Variants in GPR83 observed in about 807,000 individuals in gnomAD.
GPR83 encodes G protein-coupled receptor 83, also known as G-protein coupled receptor 72.
Under a neutral mutation model 28.0 loss-of-function variants are expected in GPR83, and 23 were observed. The ratio of observed to expected loss-of-function variants is 0.82; its 90% CI spans 0.59 to 1.16. The LOEUF (loss-of-function observed/expected upper bound fraction) is 1.16, where lower values mean the gene tolerates loss of function less well. GPR83 is among the 50% of genes most tolerant of loss of function. The pLI, the probability that GPR83 is intolerant of heterozygous loss-of-function variation, is 0.00. For missense variants in GPR83, 610 were observed against 536.6 expected (o/e 1.14, Z -1.35); for synonymous variants, 234 against 215.4 (o/e 1.09, Z -0.76).
intron 1 of GPR83, 88 bp from the exon 2 acceptor site, chr11:94,396,612 G>A (rs1048629379): frequency 1.5e-6 from 2 of 1,346,514 alleles, no homozygotes; most frequent in Non-Finnish European, 2.1e-6. Context: ...ATGCCCTTAG[G>A]GGGATTCCTC....
intron 3 of GPR83, among the ~76,000 whole-genome samples, chr11:94,382,234 C>A (rs1944698290): frequency 6.6e-6 from 1 of 150,978 alleles, no homozygotes; most frequent in Admixed American, 6.6e-5. Flanking sequence ...TGCCTATAAT[C>A]CCAGCTACTC....
intron 3 of GPR83, 34 bp downstream of exon 3, chr11:94,393,451 A>C (rs200169302): frequency 2.6e-4 from 415 of 1,609,616 alleles, no homozygotes; most frequent in Non-Finnish European, 3.2e-4. Flanking sequence ...AGAAGACACA[A>C]GTCCCCAGGC....
rs1591605237 is a variant in GPR83, at chr11:94,389,963, A to T, written c.647+3522T>A. The stretch of plus-strand genomic sequence containing the variant: ...AGACTGGATTAAGAAAATGTGGCAC[A>T]TATACACCATGGAATACTATGCAGC... On this transcript the variant is annotated intron_variant, in intron 3 of 3. Transcript: ENST00000243673. Among the ~76,000 whole-genome samples the T allele has an allele frequency of 6.6e-5, 10 of 152,350 alleles. 1 individual carries two copies. In the South Asian group the frequency reaches 2.1e-3, roughly 32 times the overall value.
chr11:94,399,218 G>T (rs1944890686), intron 1 of GPR83, among the ~76,000 whole-genome samples: 1 of 152,214 alleles, frequency 6.6e-6, no homozygotes, highest in African/African-American at 2.4e-5. Context: ...GGATGCTGTT[G>T]TCTTGTGCTT....
chr11:94,390,083 C>T (rs1944801280), intron 3 of GPR83, among the ~76,000 whole-genome samples: 2 of 151,946 alleles, frequency 1.3e-5, no homozygotes, highest in South Asian at 4.1e-4. Flanking sequence ...AAAAACCAAA[C>T]ACCGCATGTT....
chr11:94,378,074 G>A lies in GPR83; in HGVS notation c.*2075C>T, dbSNP rs1252231657. On this transcript the variant is annotated 3_prime_UTR_variant, in exon 4 of 4. Coordinates refer to ENST00000243673, the MANE Select transcript of GPR83 (RefSeq NM_016540.4). Reference sequence around the variant, plus strand: ...AGAGACAATAAGTACAGGCACATGAGCCATTTGTCCTGAAAAATCCATCTG... The same window carrying A: ...AGAGACAATAAGTACAGGCACATGAACCATTTGTCCTGAAAAATCCATCTG... The A allele has an allele frequency of 6.6e-6, 1 of 152,102 alleles. No individual in the cohort carries two copies. The highest frequency in any genetic ancestry group is 1.5e-5 in the Non-Finnish European group (1 of 68,008). 9.4% of individuals were successfully genotyped at this position (152,102 alleles called of 1,614,324 possible). A position where few individuals can be genotyped will look rare whatever the true frequency, so the allele number is the denominator to read the frequency against.
In GPR83 at chr11:94,389,868, G is replaced by C. The variant is rs931340078; in HGVS notation, c.647+3617C>G. Among the ~76,000 whole-genome samples the C allele has an allele frequency of 4.6e-5, 7 of 152,236 alleles. 1 individual carries two copies. The highest frequency in any genetic ancestry group is 1.4e-4 in the African/African-American group (6 of 41,552). The stretch of plus-strand genomic sequence containing the variant: ...TCCTGCTGCTATAAAGACACATGCA[G>C]ACGTATGATTATTGCGGCACTATTC... On this transcript the variant is annotated intron_variant, in intron 3 of 3. Coordinates refer to ENST00000243673, the MANE Select transcript of GPR83 (RefSeq NM_016540.4).
At chr11:94,393,747 G>C in intron 2 of GPR83, 129 bp from the exon 3 acceptor site, 1 of 770,308 alleles carries the variant, frequency 1.3e-6, no homozygotes, top group East Asian at 2.5e-5. Flanking sequence ...GATCACTTGA[G>C]CCCAGGAGTT....
intron 3 of GPR83, among the ~76,000 whole-genome samples, chr11:94,385,436 G>A (rs1286652485): frequency 6.6e-6 from 1 of 152,166 alleles, no homozygotes; most frequent in Non-Finnish European, 1.5e-5. Flanking sequence ...CGGCAAAGAA[G>A]TTAAAAACCT....
chr11:94,398,768 C>G (rs759443714), intron 1 of GPR83, among the ~76,000 whole-genome samples: 2 of 152,182 alleles, frequency 1.3e-5, no homozygotes, highest in Non-Finnish European at 2.9e-5. Context: ...ATGCCTTTCC[C>G]GATGGGGGAG....
In GPR83 at chr11:94,380,227, A is replaced by T. The variant is rs1944671127; in HGVS notation, c.1194T>A (p.Asn398Lys). 6.6e-7 allele frequency: 1 copy of T among 1,523,992 alleles called. No homozygotes were observed. The highest frequency in any genetic ancestry group is 8.8e-7 in the Non-Finnish European group (1 of 1,137,986). The allele number at this position is 1,523,992 out of a possible 1,614,324, so 94.4% of individuals were successfully genotyped here. A position where few individuals can be genotyped will look rare whatever the true frequency, so the allele number is the denominator to read the frequency against. ...GGAGTTGGGAGGTGGGCAGGAGGTTATTGGCAAGGGGAGCCCTCTGGCCAT... is the reference window on the plus strand; with the variant it reads ...GGAGTTGGGAGGTGGGCAGGAGGTTTTTGGCAAGGGGAGCCCTCTGGCCAT... ...KNDGQRAPLA[N>K]NLLPTSQLQS... Residue 398 changes from asparagine to lysine, a missense_variant, in exon 4 of 4, where the codon AAT becomes AAA. Physicochemically the swap from Asn to Lys is moderately conservative, Grantham distance 94. Transcript: ENST00000243673.
rs1221570604 is a variant in GPR83 at position 94,378,078 on chromosome 11, T to C, written c.*2071A>G. 1 of 152,096 alleles carries C rather than the reference T, an allele frequency of 6.6e-6. No individual in the cohort carries two copies. Among genetic ancestry groups the C allele is most frequent in the East Asian group, 1.9e-4 (1 of 5,200 alleles). 9.4% of individuals were successfully genotyped at this position (152,096 alleles called of 1,614,324 possible). On this transcript the variant is annotated 3_prime_UTR_variant, in exon 4 of 4. Coordinates refer to ENST00000243673, the MANE Select transcript of GPR83 (RefSeq NM_016540.4). Reference sequence around the variant, plus strand: ...ACAATAAGTACAGGCACATGAGCCATTTGTCCTGAAAAATCCATCTGGGGA... The same window carrying C: ...ACAATAAGTACAGGCACATGAGCCACTTGTCCTGAAAAATCCATCTGGGGA...
rs1343688368 is a variant in GPR83, at chr11:94,393,552, A to G, written c.580T>C (p.Trp194Arg). 1.2e-6 allele frequency: 2 copies of G among 1,613,744 alleles called. No homozygotes were observed. The highest frequency in any genetic ancestry group is 1.7e-6 in the Non-Finnish European group (2 of 1,179,688). The change falls in exon 3 of 4, where the codon TGG becomes CGG. Residue 194 changes from tryptophan to arginine, a missense_variant. Trp to Arg is a moderately radical substitution (Grantham distance 101). Transcript: ENST00000243673. ...TKGVIYIAVI[W>R]TMATFFSLPH... ...AGTGAAAAGAACGTAGCCATGGTCC[A>G]GATGACAGCGATGTAGATGACACCC... is the stretch of plus-strand genomic sequence containing the variant.
At chr11:94,388,641 GAA>G (rs1403488348) in intron 3 of GPR83, among the ~76,000 whole-genome samples, 7 of 152,164 alleles carry the variant, frequency 4.6e-5, no homozygotes, top group Non-Finnish European at 8.8e-5. Context: ...TCTTCAAGGA[GAA>G]CTACAAACCA....
intron 1 of GPR83, 56 bp downstream of exon 1, chr11:94,400,804 GA>G: frequency 1.3e-6 from 2 of 1,552,102 alleles, no homozygotes; most frequent in Non-Finnish European, 1.8e-6. Context: ...CCAGAGAACT[GA>G]GAGAGGAAAG....
rs1211329869 is a variant in GPR83, at chr11:94,379,994, G to C, written c.*155C>G. On this transcript the variant is annotated 3_prime_UTR_variant, in exon 4 of 4. Transcript: ENST00000243673. ...GCCTTTTAGTTTTCACATCACATGGGGCTAGGAGGCTGGACAGTTTCCTAG... is the reference window on the plus strand; with the variant it reads ...GCCTTTTAGTTTTCACATCACATGGCGCTAGGAGGCTGGACAGTTTCCTAG... 1 of 527,936 alleles carries C rather than the reference G, an allele frequency of 1.9e-6. No individual in the cohort carries two copies. The highest frequency in any genetic ancestry group is 3.0e-5 in the East Asian group (1 of 33,030). 32.7% of individuals were successfully genotyped at this position (527,936 alleles called of 1,614,324 possible).
At chr11:94,394,056 T>A (rs966808128) in intron 2 of GPR83, among the ~76,000 whole-genome samples, 1 of 152,068 alleles carries the variant, frequency 6.6e-6, no homozygotes, top group Non-Finnish European at 1.5e-5. Flanking sequence ...CTGGTCATAC[T>A]CAGGCTGAAC....
At position 94,387,436 on chromosome 11, in the gene GPR83, C is replaced by T. The variant is rs1225074494; in HGVS notation, c.647+6049G>A. ...CAAAATTGATAGACCGCTAGCAAGA[C>T]TAATAAAGAAGAAAAGAGAGAAGAA... is the stretch of plus-strand genomic sequence containing the variant. On this transcript the variant is annotated intron_variant, in intron 3 of 3. Coordinates refer to ENST00000243673, the MANE Select transcript of GPR83 (RefSeq NM_016540.4). Among the ~76,000 whole-genome samples, 6 of 152,030 alleles carry T rather than the reference C, an allele frequency of 3.9e-5. No homozygotes were observed. The East Asian group carries it at 1.2e-3, about 29-fold the overall frequency.
At chr11:94,381,558 A>AGTGT (rs56180709) in intron 3 of GPR83, among the ~76,000 whole-genome samples, 36,441 of 147,650 alleles carry the variant, frequency 0.25, 4,559 homozygotes, top group African/African-American at 0.28. Flanking sequence ...GGAGTGAGTG[A>AGTGT]GTGTGTGTGT....
Sources: allele counts gnomAD v4.1 joint callset (sites outside exome capture counted in the v4.1 genomes callset), GRCh38; gene constraint gnomAD v4.1.1; transcripts MANE v1.5; gene names NCBI Gene and HGNC (gene_info 2026-07-23, HGNC 2026-07-21).